Variants in PIK3CB observed in about 807,000 individuals in gnomAD.
PIK3CB encodes phosphatidylinositol-4,5-bisphosphate 3-kinase catalytic subunit beta.
A neutral mutation model predicts 136.8 loss-of-function variants in PIK3CB; 39 were observed. The observed-to-expected ratio is 0.29, with a 90% confidence interval of 0.22 to 0.37. PIK3CB has a LOEUF of 0.37. PIK3CB is among the 10% of genes least tolerant of loss of function. PIK3CB has a pLI of 1.00. For synonymous variants in PIK3CB, 428 were observed against 436.6 expected (o/e 0.98, Z 0.25); for missense variants, 868 against 1,275.4 (o/e 0.68, Z 4.87).
Position 138,656,208 on chromosome 3 carries a change from G to C in PIK3CB, c.3009C>G (p.Leu1003=), listed in dbSNP as rs781589028. The change falls in exon 23 of 24, where the codon CTC becomes CTG. Residue 1003 remains leucine (L), a synonymous_variant. Coordinates refer to ENST00000674063, the MANE Select transcript of PIK3CB (RefSeq NM_006219.3). ...GCCCTGCAGTCAACATCAGCGCAAA[G>C]AGAGTGATGAAGAGATTCCCATGCC... ...LRRHGNLFIT[L]FALMLTAGLP... is the part of the protein sequence containing the mutation. The C allele has an allele frequency of 1.9e-6, 3 of 1,614,104 alleles. No homozygotes were observed. The highest frequency in any genetic ancestry group is 2.2e-5 in the South Asian group (2 of 91,074).
At chr3:138,727,188 T>G (rs889197081) in intron 8 of PIK3CB, among the ~76,000 whole-genome samples, 20 of 152,182 alleles carry the variant, frequency 1.3e-4, no homozygotes, top group Non-Finnish European at 2.5e-4. Flanking sequence ...GAGTCAACAC[T>G]GAACATTTGA....
At chr3:138,684,250 T>C (rs1381217395) in intron 17 of PIK3CB, among the ~76,000 whole-genome samples, 5 of 152,286 alleles carry the variant, frequency 3.3e-5, no homozygotes, top group African/African-American at 1.2e-4. Context: ...AGAAATAAGT[T>C]GCCAAATTCA....
chr3:138,697,682 T>G (rs563249363), intron 13 of PIK3CB, among the ~76,000 whole-genome samples: 3 of 151,802 alleles, frequency 2.0e-5, no homozygotes, highest in Admixed American at 2.0e-4. Flanking sequence ...AACCTCCTGA[T>G]CTGCCCACCT....
At chr3:138,815,162 A>AT (rs374349884) in intron 1 of PIK3CB, among the ~76,000 whole-genome samples, 23 of 62,472 alleles carry the variant, frequency 3.7e-4, no homozygotes, top group African/African-American at 1.0e-3. Context: ...AAAAAAAAAA[A>AT]ATATATATAT....
chr3:138,716,588 C>A (rs1016502018), intron 8 of PIK3CB, among the ~76,000 whole-genome samples: 1 of 152,024 alleles, frequency 6.6e-6, no homozygotes, highest in Admixed American at 6.6e-5. Flanking sequence ...AAATACTATA[C>A]TATAGCAAAA....
chr3:138,773,218 T>G (rs2045820529), intron 2 of PIK3CB, among the ~76,000 whole-genome samples: 1 of 151,950 alleles, frequency 6.6e-6, no homozygotes, highest in African/African-American at 2.4e-5. Flanking sequence ...CTGGCCAACA[T>G]GGTGAAACCT....
chr3:138,830,992 T>C lies in PIK3CB; in HGVS notation c.-122+3703A>G, dbSNP rs530170041. On this transcript the variant is annotated intron_variant, in intron 1 of 23. Transcript: ENST00000674063. The stretch of plus-strand genomic sequence containing the variant: ...TTTCCTCAGTTAAGTATTTTATTTA[T>C]TTATTGGGGGCAAGGCGCGGTGGCT... Among the ~76,000 whole-genome samples the C allele has an allele frequency of 3.8e-3, 556 of 147,318 alleles. 5 individuals carry two copies. The highest frequency in any genetic ancestry group is 0.013 in the African/African-American group (534 of 40,468).
intron 2 of PIK3CB, among the ~76,000 whole-genome samples, chr3:138,788,946 AAG>A (rs200910587): frequency 0.011 from 1,503 of 138,128 alleles, 34 homozygotes; most frequent in Middle Eastern, 0.039. Context: ...ACTGGGGGAA[AAG>A]AGAGAGACTT....
intron 1 of PIK3CB, among the ~76,000 whole-genome samples, chr3:138,801,979 G>T (rs946948194): frequency 6.6e-6 from 1 of 151,768 alleles, no homozygotes; most frequent in Non-Finnish European, 1.5e-5. Flanking sequence ...ATAGTTCAAG[G>T]CTGCAGTGAA....
At chr3:138,825,194 C>G in intron 1 of PIK3CB, 1 of 304,484 alleles carries the variant, frequency 3.3e-6, no homozygotes, top group Non-Finnish European at 6.3e-6. Context: ...ATGAGAACAG[C>G]AAGTATTACG....
At chr3:138,812,684 C>T (rs934635583) in intron 1 of PIK3CB, among the ~76,000 whole-genome samples, 3 of 152,078 alleles carry the variant, frequency 2.0e-5, no homozygotes, top group Non-Finnish European at 2.9e-5. Flanking sequence ...TGTGCCACCA[C>T]GCCCAGCTAA....
chr3:138,778,276 T>C (rs2045883638), intron 2 of PIK3CB: 1 of 399,394 alleles, frequency 2.5e-6, no homozygotes, highest in Non-Finnish European at 4.9e-6. Flanking sequence ...AAACCTTCTA[T>C]ACCACTAACT....
intron 2 of PIK3CB, among the ~76,000 whole-genome samples, chr3:138,793,464 AGCATGACG>A (rs1204246199): frequency 6.6e-6 from 1 of 152,032 alleles, no homozygotes; most frequent in Non-Finnish European, 1.5e-5. Flanking sequence ...AAATCAGTCG[AGCATGACG>A]GCACATGCCT....
chr3:138,791,650 G>A (rs553344085), intron 2 of PIK3CB, among the ~76,000 whole-genome samples: 2 of 152,198 alleles, frequency 1.3e-5, no homozygotes, highest in South Asian at 2.1e-4. Context: ...CAGCCACTCC[G>A]GCCCTCTTGC....
intron 1 of PIK3CB, among the ~76,000 whole-genome samples, chr3:138,832,756 G>C (rs1441273699): frequency 6.6e-6 from 1 of 151,066 alleles, no homozygotes; most frequent in African/African-American, 2.4e-5. Flanking sequence ...TTGAACCCGG[G>C]AGGCGGAGGT....
At chr3:138,794,417 AAT>A (rs1338055671) in intron 2 of PIK3CB, among the ~76,000 whole-genome samples, 6 of 152,234 alleles carry the variant, frequency 3.9e-5, no homozygotes, top group African/African-American at 1.4e-4. Flanking sequence ...GGAGAAATTT[AAT>A]ATGATTGCTG....
chr3:138,655,530 A>C lies in PIK3CB; in HGVS notation c.3076-4T>G. On this transcript the variant is annotated splice_region_variant and splice_polypyrimidine_tract_variant and intron_variant, in intron 23 of 23. Coordinates refer to ENST00000674063, the MANE Select transcript of PIK3CB (RefSeq NM_006219.3). ...TCTTCCCTAATGCAAGAGAGTCCTA[A>C]AATGGAAGGGGGAAAATATGATTTT... The C allele has an allele frequency of 6.2e-7, 1 of 1,605,564 alleles. No homozygotes were observed. Among genetic ancestry groups the C allele is most frequent in the Non-Finnish European group, 8.5e-7 (1 of 1,172,314 alleles).
intron 8 of PIK3CB, among the ~76,000 whole-genome samples, chr3:138,730,236 G>C (rs955143488): frequency 1.3e-5 from 2 of 152,094 alleles, no homozygotes; most frequent in Non-Finnish European, 2.9e-5. Context: ...GCAAACAATA[G>C]AATCAATCAA....
chr3:138,773,930 A>G (rs1459796556), intron 2 of PIK3CB, among the ~76,000 whole-genome samples: 1 of 152,180 alleles, frequency 6.6e-6, no homozygotes, highest in Non-Finnish European at 1.5e-5. Flanking sequence ...TTTGACAATA[A>G]CCACGTTTTA....
Sources: allele counts gnomAD v4.1 joint callset (sites outside exome capture counted in the v4.1 genomes callset), GRCh38; gene constraint gnomAD v4.1.1; transcripts MANE v1.5; gene names NCBI Gene and HGNC (gene_info 2026-07-23, HGNC 2026-07-21).